Variants in CDH12 observed in about 807,000 individuals in gnomAD.
CDH12 encodes the protein cadherin-12.
CDH12 carries 41 observed loss-of-function variants against 74.1 expected under a neutral mutation model. That is an observed-to-expected ratio of 0.55 (90% CI 0.43 to 0.72). The LOEUF is 0.72. Among genes scored for constraint, CDH12 ranks in the 30% least tolerant of loss-of-function variants. The pLI, the probability that CDH12 is intolerant of heterozygous loss-of-function variation, is 0.00. For synonymous variants in CDH12, 399 were observed against 355.0 expected (o/e 1.12, Z -1.39); for missense variants, 945 against 977.2 (o/e 0.97, Z 0.44).
chr5:22,831,556 A>T (rs11743181), intron 1 of CDH12, among the ~76,000 whole-genome samples: 171 of 152,176 alleles, frequency 1.1e-3, no homozygotes, highest in Non-Finnish European at 2.0e-3. Context: ...ATAAATTATA[A>T]AAACAAAAAC....
chr5:22,677,991 G>C (rs1010786694), intron 1 of CDH12, among the ~76,000 whole-genome samples: 5 of 145,744 alleles, frequency 3.4e-5, no homozygotes, highest in Non-Finnish European at 6.0e-5. Flanking sequence ...CCCCAAACTT[G>C]TGACCTCATC....
intron 1 of CDH12, among the ~76,000 whole-genome samples, chr5:22,567,543 T>G (rs1294464756): frequency 6.6e-6 from 1 of 152,204 alleles, no homozygotes; most frequent in Non-Finnish European, 1.5e-5. Context: ...ATCTATTATT[T>G]CTCAAGTCCT....
At chr5:21,781,828 G>A (rs1379816321) in intron 11 of CDH12, among the ~76,000 whole-genome samples, 1 of 152,042 alleles carries the variant, frequency 6.6e-6, no homozygotes, top group African/African-American at 2.4e-5. Flanking sequence ...GCAAGAAACT[G>A]GGAATCAGTA....
intron 4 of CDH12, among the ~76,000 whole-genome samples, chr5:22,202,390 T>C (rs1479981948): frequency 5.3e-5 from 8 of 152,026 alleles, no homozygotes; most frequent in Non-Finnish European, 1.2e-4. Context: ...ATATTTTAGG[T>C]AGAATGGTAA....
intron 1 of CDH12, among the ~76,000 whole-genome samples, chr5:22,627,543 G>A (rs975977102): frequency 9.9e-5 from 15 of 151,946 alleles, no homozygotes; most frequent in African/African-American, 3.6e-4. Flanking sequence ...ACAAGCAAAT[G>A]TTAGGAGAAT....
At chr5:22,173,245 TTA>T (rs1019012471) in intron 4 of CDH12, among the ~76,000 whole-genome samples, 6 of 147,016 alleles carry the variant, frequency 4.1e-5, no homozygotes, top group Non-Finnish European at 6.0e-5. Context: ...TGTTATATAA[TTA>T]TATAATTTAT....
Position 22,593,564 on chromosome 5 carries a change from T to TA in CDH12, c.-522-88201dup, listed in dbSNP as rs544357993. ...GTACAGGTCCTCTCATCTCATGTTT[T>TA]AAAAAATTACATGACTGTATTTTAA... is the stretch of plus-strand genomic sequence containing the variant. On this transcript the variant is annotated intron_variant, in intron 1 of 14. Coordinates refer to ENST00000382254, the MANE Select transcript of CDH12 (RefSeq NM_004061.5). Among the ~76,000 whole-genome samples, 456 of 152,322 alleles carry TA rather than the reference T, an allele frequency of 3.0e-3. 1 individual carries two copies. Among genetic ancestry groups the TA allele is most frequent in the Non-Finnish European group, 4.9e-3 (330 of 68,028 alleles).
At chr5:21,799,804 C>G (rs10941927) in intron 10 of CDH12, among the ~76,000 whole-genome samples, 99,390 of 151,976 alleles carry the variant, frequency 0.65, 34,364 homozygotes, top group Non-Finnish European at 0.77. Flanking sequence ...GCCTAGAAGA[C>G]ACACTGGGGT....
intron 1 of CDH12, among the ~76,000 whole-genome samples, chr5:22,631,231 T>A (rs1738568435): frequency 1.3e-5 from 2 of 152,166 alleles, no homozygotes; most frequent in Admixed American, 1.3e-4. Flanking sequence ...GTTTGGCAAC[T>A]CCTCAAAGAA....
chr5:22,618,553 T>C (rs1737801352), intron 1 of CDH12, among the ~76,000 whole-genome samples: 1 of 152,122 alleles, frequency 6.6e-6, no homozygotes, highest in African/African-American at 2.4e-5. Flanking sequence ...TACTGAACAC[T>C]GAGCTCGTTA....
chr5:22,114,965 C>A (rs1348450737), intron 4 of CDH12, among the ~76,000 whole-genome samples: 1 of 152,172 alleles, frequency 6.6e-6, no homozygotes, highest in Non-Finnish European at 1.5e-5. Context: ...TTCATTGCAG[C>A]AACTGCAAAT....
rs145309098 is a variant in CDH12 at position 22,743,405 on chromosome 5, G to A, written c.-523+109653C>T. Among the ~76,000 whole-genome samples the A allele has an allele frequency of 9.1e-4, 138 of 151,670 alleles. No homozygotes were observed. The East Asian group carries it at 0.024, about 26-fold the overall frequency. On this transcript the variant is annotated intron_variant, in intron 1 of 14. Coordinates refer to ENST00000382254, the MANE Select transcript of CDH12 (RefSeq NM_004061.5). ...TAAAATCTTAGGGGAGAATGCTCCTGGCTGGGGGAAGCAGTATTGACACTA... is the reference window on the plus strand; with the variant it reads ...TAAAATCTTAGGGGAGAATGCTCCTAGCTGGGGGAAGCAGTATTGACACTA...
chr5:21,773,947 G>C (rs1424446052), intron 11 of CDH12, among the ~76,000 whole-genome samples: 1 of 152,096 alleles, frequency 6.6e-6, no homozygotes, highest in Non-Finnish European at 1.5e-5. Flanking sequence ...ACTGTACTAT[G>C]TTAGGCATAA....
At chr5:22,806,521 G>A (rs967465227) in intron 1 of CDH12, among the ~76,000 whole-genome samples, 1 of 151,638 alleles carries the variant, frequency 6.6e-6, no homozygotes, top group African/African-American at 2.4e-5. Flanking sequence ...CCCGGCTAAT[G>A]TTTTTTGTAT....
intron 2 of CDH12, among the ~76,000 whole-genome samples, chr5:22,441,997 C>G (rs988570099): frequency 6.6e-6 from 1 of 151,990 alleles, no homozygotes; most frequent in African/African-American, 2.4e-5. Context: ...AGCCATGGAG[C>G]GTGGCCCCTT....
intron 11 of CDH12, among the ~76,000 whole-genome samples, chr5:21,766,876 C>T (rs1282191725): frequency 1.3e-5 from 2 of 151,744 alleles, no homozygotes; most frequent in African/African-American, 4.8e-5. Context: ...TTTTTATCTC[C>T]TTTGTGTAGG....
chr5:22,287,124 A>C (rs1737173176), intron 3 of CDH12, among the ~76,000 whole-genome samples: 1 of 152,224 alleles, frequency 6.6e-6, no homozygotes, highest in Non-Finnish European at 1.5e-5. Context: ...GTTGACCGTA[A>C]GAGAATAGAG....
chr5:22,317,865 T>G (rs1231533938), intron 3 of CDH12, among the ~76,000 whole-genome samples: 1 of 152,180 alleles, frequency 6.6e-6, no homozygotes, highest in Non-Finnish European at 1.5e-5. Flanking sequence ...TTGGCATCAG[T>G]GTGTTGACAG....
chr5:22,419,144 G>A (rs1743523857), intron 2 of CDH12, among the ~76,000 whole-genome samples: 1 of 152,044 alleles, frequency 6.6e-6, no homozygotes, highest in African/African-American at 2.4e-5. Context: ...TAAGCTTTTT[G>A]ATGTGCTGCT....
Sources: gnomAD v4.1 joint callset for allele counts (sites outside exome capture counted in the v4.1 genomes callset) on GRCh38, gnomAD v4.1.1 for gene constraint, MANE v1.5 for transcripts, NCBI Gene and HGNC (gene_info 2026-07-23, HGNC 2026-07-21) for gene names.